KIAA1217: variants seen among roughly 807,000 people sequenced by gnomAD.
The protein encoded by KIAA1217 is KIAA1217.
A neutral mutation model predicts 163.9 loss-of-function variants in KIAA1217; 88 were observed. That is an observed-to-expected ratio of 0.54 (90% CI 0.45 to 0.64). The LOEUF is 0.64. Ranked by LOEUF, KIAA1217 falls within the 30% of genes least tolerant of loss-of-function variation. The pLI is 0.00. For missense variants in KIAA1217, 2,372 were observed against 2,475.0 expected (o/e 0.96, Z 0.88); for synonymous variants, 903 against 923.1 (o/e 0.98, Z 0.39).
chr10:23,833,363 A>G (rs1010880897), intron 1 of KIAA1217, among the ~76,000 whole-genome samples: 4 of 151,992 alleles, frequency 2.6e-5, no homozygotes, highest in African/African-American at 9.7e-5. Flanking sequence ...ATTGCCTGTA[A>G]TCACAGCTAC....
At chr10:24,337,037 G>A (rs1177465300) in intron 2 of KIAA1217, among the ~76,000 whole-genome samples, 1 of 151,900 alleles carries the variant, frequency 6.6e-6, no homozygotes, top group African/African-American at 2.4e-5. Context: ...AAACACAGGC[G>A]ACAAAAGAAA....
At chr10:24,248,115 T>G (rs1469855498) in intron 2 of KIAA1217, among the ~76,000 whole-genome samples, 2 of 152,138 alleles carry the variant, frequency 1.3e-5, no homozygotes, top group Non-Finnish European at 2.9e-5. Flanking sequence ...GTTCTCTTTT[T>G]CTTTTTTCCC....
chr10:24,476,169 G>C (rs1017273351), intron 6 of KIAA1217, among the ~76,000 whole-genome samples: 3 of 152,116 alleles, frequency 2.0e-5, no homozygotes, highest in African/African-American at 7.2e-5. Context: ...AAAATTTTTG[G>C]CCAACCAAAG....
At chr10:23,716,372 A>G (rs1452962885) in intron 1 of KIAA1217, among the ~76,000 whole-genome samples, 1 of 152,186 alleles carries the variant, frequency 6.6e-6, no homozygotes, top group African/African-American at 2.4e-5. Context: ...ATGTAAACTC[A>G]TCAGCATAGT....
chr10:23,733,477 T>C (rs965489468), intron 1 of KIAA1217, among the ~76,000 whole-genome samples: 1 of 152,216 alleles, frequency 6.6e-6, no homozygotes, highest in Admixed American at 6.5e-5. Flanking sequence ...TAAAATGGCA[T>C]AGTATTTGCA....
At chr10:24,212,644 A>T (rs1411684570) in intron 1 of KIAA1217, among the ~76,000 whole-genome samples, 1 of 152,228 alleles carries the variant, frequency 6.6e-6, no homozygotes, top group African/African-American at 2.4e-5. Context: ...CTTCATTTTT[A>T]GTTCTCCCGG....
At position 24,439,301 on chromosome 10, in the gene KIAA1217, A is replaced by G. The variant is rs188483351; in HGVS notation, c.846+822A>G. On this transcript the variant is annotated intron_variant, in intron 5 of 20. Coordinates refer to ENST00000376454, the MANE Select transcript of KIAA1217 (RefSeq NM_019590.5). The stretch of plus-strand genomic sequence containing the variant: ...ACACACACACACACATTTGGAAGAC[A>G]CTGTGCCATTTTTTCTCATCTTTTC... 2.4e-3 allele frequency among the ~76,000 whole-genome samples: 363 copies of G among 152,218 alleles called. 2 individuals carry two copies. The highest frequency in any genetic ancestry group is 8.3e-3 in the African/African-American group (343 of 41,512).
intron 1 of KIAA1217, among the ~76,000 whole-genome samples, chr10:24,004,724 G>A (rs1309907773): frequency 1.3e-5 from 2 of 152,236 alleles, no homozygotes; most frequent in Admixed American, 6.5e-5. Flanking sequence ...AACTTTCTCA[G>A]GGTGCTCTTT....
chr10:24,198,544 G>T (rs865939460), intron 2 of KIAA1217, among the ~76,000 whole-genome samples: 1 of 151,130 alleles, frequency 6.6e-6, no homozygotes, highest in South Asian at 2.1e-4. Context: ...GAGAGGCAGA[G>T]GTTGCAGTGA....
intron 2 of KIAA1217, among the ~76,000 whole-genome samples, chr10:24,236,378 G>A (rs2072268510): frequency 6.6e-6 from 1 of 152,056 alleles, no homozygotes; most frequent in Non-Finnish European, 1.5e-5. Context: ...AGCCTCCCAA[G>A]TAGTTGGGAA....
intron 2 of KIAA1217, among the ~76,000 whole-genome samples, chr10:24,194,687 G>A (rs983294452): frequency 1.3e-5 from 2 of 150,284 alleles, no homozygotes; most frequent in African/African-American, 2.5e-5. Context: ...AGGCTCAAGC[G>A]ATCCTCCTGC....
chr10:24,003,207 C>T (rs191927519), intron 1 of KIAA1217, among the ~76,000 whole-genome samples: 8 of 152,082 alleles, frequency 5.3e-5, no homozygotes, highest in Admixed American at 4.6e-4. Flanking sequence ...GTAGATCTAC[C>T]TTTAGTTCTT....
At chr10:23,702,226 G>GAGAGA (rs59289630) in intron 1 of KIAA1217, among the ~76,000 whole-genome samples, 27,122 of 151,864 alleles carry the variant, frequency 0.18, 4,741 homozygotes, top group African/African-American at 0.45. Flanking sequence ...AGGGAAGAGG[G>GAGAGA]AGAGAAGAGA....
At chr10:23,853,582 A>AGGAAT (rs1839476394) in intron 1 of KIAA1217, among the ~76,000 whole-genome samples, 1 of 152,156 alleles carries the variant, frequency 6.6e-6, no homozygotes, top group Admixed American at 6.5e-5. Context: ...TAGTTTCAGA[A>AGGAAT]GGAATGGTAC....
At chr10:23,779,497 A>G (rs916629057) in intron 1 of KIAA1217, among the ~76,000 whole-genome samples, 1 of 152,176 alleles carries the variant, frequency 6.6e-6, no homozygotes, top group African/African-American at 2.4e-5. Context: ...GTTTTCGGTC[A>G]AGGCCAGGTG....
intron 1 of KIAA1217, among the ~76,000 whole-genome samples, chr10:23,952,785 G>C (rs982235075): frequency 1.3e-5 from 2 of 152,194 alleles, no homozygotes; most frequent in Admixed American, 6.5e-5. Flanking sequence ...GATGTAAGCT[G>C]TTAATATTGC....
At chr10:23,780,267 G>T (rs570818402) in intron 1 of KIAA1217, among the ~76,000 whole-genome samples, 8 of 152,018 alleles carry the variant, frequency 5.3e-5, no homozygotes, top group East Asian at 1.9e-4. Flanking sequence ...ATACTTTTTT[G>T]TGTGTGTTAA....
chr10:24,445,677 A>C (rs1480648582), intron 5 of KIAA1217, among the ~76,000 whole-genome samples: 2 of 151,706 alleles, frequency 1.3e-5, no homozygotes, highest in East Asian at 3.9e-4. Context: ...GATGGTTTCC[A>C]GCTTCATCCA....
At chr10:23,740,079 G>A (rs1159749506) in intron 1 of KIAA1217, among the ~76,000 whole-genome samples, 1 of 152,048 alleles carries the variant, frequency 6.6e-6, no homozygotes, top group African/African-American at 2.4e-5. Context: ...TATGTAAGTG[G>A]AGCTGACATG....
Sources: gnomAD v4.1 joint callset for allele counts (sites outside exome capture counted in the v4.1 genomes callset) on GRCh38, gnomAD v4.1.1 for gene constraint, MANE v1.5 for transcripts, NCBI Gene and HGNC (gene_info 2026-07-23, HGNC 2026-07-21) for gene names.